Variants in SYTL2 observed in about 807,000 individuals in gnomAD.
The protein encoded by SYTL2 is synaptotagmin like 2, also known as synaptotagmin-like protein 2.
SYTL2 carries 165 observed loss-of-function variants against 198.7 expected under a neutral mutation model. That is an observed-to-expected ratio of 0.83 (90% confidence interval 0.73 to 0.94). The LOEUF is 0.94. SYTL2 is among the 40% of genes least tolerant of loss of function. The pLI is 0.00. For missense variants in SYTL2, 2,835 were observed against 2,582.8 expected, an observed-to-expected ratio of 1.10 and a Z score of -2.12; for synonymous variants, 966 against 917.7, an observed-to-expected ratio of 1.05 and a Z score of -0.95.
At chr11:85,825,614 T>C in the SYTL2 span, among the ~76,000 whole-genome samples, 1 of 152,144 alleles carries the variant, frequency 6.6e-6, no homozygotes, top group African/African-American at 2.4e-5. Flanking sequence ...GGAGCATAGC[T>C]CAGCCTAATC....
chr11:85,712,490 C>A (rs2086476733), intron 12 of SYTL2, among the ~76,000 whole-genome samples: 1 of 152,068 alleles, frequency 6.6e-6, no homozygotes, highest in Non-Finnish European at 1.5e-5. Flanking sequence ...TGAGCAAGGC[C>A]TGATTGCATT....
chr11:85,699,774 G>A (rs2083976396), intron 17 of SYTL2, among the ~76,000 whole-genome samples: 1 of 152,190 alleles, frequency 6.6e-6, no homozygotes. Context: ...GGGAAATGGA[G>A]CAAGGAGCTG....
chr11:85,850,560 A>G, the SYTL2 span, among the ~76,000 whole-genome samples: 3 of 151,228 alleles, frequency 2.0e-5, no homozygotes, highest in South Asian at 4.2e-4. Context: ...AAATAGGAAC[A>G]CTTTTACACT....
intron 1 of SYTL2, among the ~76,000 whole-genome samples, chr11:85,774,551 G>A (rs535076522): frequency 6.6e-6 from 1 of 152,212 alleles, no homozygotes; most frequent in South Asian, 2.1e-4. Flanking sequence ...CCCAAATACC[G>A]AGCTTTGCAA....
chr11:85,806,426 T>C (rs760233578), intron 1 of SYTL2, among the ~76,000 whole-genome samples: 1 of 152,380 alleles, frequency 6.6e-6, no homozygotes, highest in South Asian at 2.1e-4. Flanking sequence ...GTAGTGACTT[T>C]AGAGGCAAAT....
chr11:85,719,610 C>T (rs1032664076), intron 9 of SYTL2, among the ~76,000 whole-genome samples: 1 of 151,940 alleles, frequency 6.6e-6, no homozygotes, highest in South Asian at 2.1e-4. Context: ...TGGAAGCATT[C>T]AGGCGGATAT....
the SYTL2 span, among the ~76,000 whole-genome samples, chr11:85,842,182 T>C: frequency 6.6e-6 from 1 of 152,198 alleles, no homozygotes; most frequent in Non-Finnish European, 1.5e-5. Flanking sequence ...GTCAAGTGCA[T>C]TCTGAAAGCT....
chr11:85,753,525 A>G (rs553166540), intron 2 of SYTL2, among the ~76,000 whole-genome samples: 13 of 152,292 alleles, frequency 8.5e-5, no homozygotes, highest in Admixed American at 6.5e-4. Flanking sequence ...TACCATTAAC[A>G]GACCAAGTGA....
intron 1 of SYTL2, among the ~76,000 whole-genome samples, chr11:85,784,973 C>G (rs17148484): frequency 0.034 from 5,144 of 152,148 alleles, 292 homozygotes; most frequent in African/African-American, 0.12. Flanking sequence ...TCAGCACTTG[C>G]ATGTATTTAA....
intron 1 of SYTL2, among the ~76,000 whole-genome samples, chr11:85,806,007 T>C (rs1214253627): frequency 6.6e-6 from 1 of 152,244 alleles, no homozygotes; most frequent in African/African-American, 2.4e-5. Context: ...GTTTTGTAGG[T>C]TGCAGGTAGT....
chr11:85,699,831 A>T (rs1298574844), intron 17 of SYTL2, among the ~76,000 whole-genome samples: 2 of 152,180 alleles, frequency 1.3e-5, no homozygotes, highest in Non-Finnish European at 2.9e-5. Flanking sequence ...ACTGGGCTGA[A>T]GACCTGACAA....
rs571185840 is a variant in SYTL2 at position 85,715,335 on chromosome 11, A to T, written c.5531-828T>A. Among the ~76,000 whole-genome samples the T allele has an allele frequency of 2.4e-3, 362 of 152,272 alleles. 4 individuals carry two copies. Among genetic ancestry groups the T allele is most frequent in the South Asian group, 0.013 (65 of 4,820 alleles). On this transcript the variant is annotated intron_variant, in intron 11 of 19. Transcript: ENST00000359152. Reference sequence around the variant, plus strand: ...CTTATGGTGAATCACAGCTCTTATAATGAATAAGTTAATATTTTCCAAGGC... The same window carrying T: ...CTTATGGTGAATCACAGCTCTTATATTGAATAAGTTAATATTTTCCAAGGC...
chr11:85,713,546 C>T (rs890758319), intron 12 of SYTL2, among the ~76,000 whole-genome samples: 1 of 152,300 alleles, frequency 6.6e-6, no homozygotes, highest in East Asian at 1.9e-4. Flanking sequence ...AACTACCTGA[C>T]TGCAAGAACA....
chr11:85,721,872 C>A (rs2088362809), intron 8 of SYTL2, among the ~76,000 whole-genome samples: 1 of 151,972 alleles, frequency 6.6e-6, no homozygotes, highest in South Asian at 2.1e-4. Context: ...GCATAATGGC[C>A]CAGCATTTCC....
At chr11:85,845,968 T>C in the SYTL2 span, among the ~76,000 whole-genome samples, 1 of 152,236 alleles carries the variant, frequency 6.6e-6, no homozygotes, top group African/African-American at 2.4e-5. Flanking sequence ...ACCACTTTAT[T>C]ACAGCTCACA....
intron 1 of SYTL2, among the ~76,000 whole-genome samples, chr11:85,797,426 G>A (rs553481062): frequency 4.3e-4 from 66 of 151,962 alleles, no homozygotes; most frequent in African/African-American, 1.5e-3. Flanking sequence ...TCAGGAATTC[G>A]AGACCAGCCT....
At chr11:85,760,365 A>T (rs2092064034) in intron 1 of SYTL2, among the ~76,000 whole-genome samples, 1 of 152,220 alleles carries the variant, frequency 6.6e-6, no homozygotes, top group Non-Finnish European at 1.5e-5. Flanking sequence ...CCAAATACAC[A>T]TCCACTGCTG....
In SYTL2 at chr11:85,736,562, T is replaced by C. The variant is rs761483493; in HGVS notation, c.525A>G (p.Gln175=). Residue 175 remains glutamine (Q), a synonymous_variant, in exon 6 of 20, where the codon CAA becomes CAG. Coordinates refer to ENST00000359152, the MANE Select transcript of SYTL2 (RefSeq NM_206927.4). ...SSKLPEGHSS[Q]QTKNEQSKNG... is the part of the protein sequence containing the mutation. ...TTTTTGACTGTTCATTTTTAGTTTG[T>C]TGTGATGAGTGACCTTCTGGCAACT... 17 of 1,609,162 alleles carry C rather than the reference T, an allele frequency of 1.1e-5. No individual in the cohort carries two copies. The Admixed American group carries it at 2.5e-4, about 24-fold the overall frequency.
At chr11:85,815,203 A>G (rs191356683), upstream of SYTL2, among the ~76,000 whole-genome samples, 1 of 152,350 alleles carries the variant, frequency 6.6e-6, no homozygotes, top group Admixed American at 6.5e-5. Context: ...TGCCACAATG[A>G]AAAAGTAAAA....
Sources: gnomAD v4.1 joint callset for allele counts (sites outside exome capture counted in the v4.1 genomes callset) on GRCh38, gnomAD v4.1.1 for gene constraint, MANE v1.5 for transcripts, NCBI Gene and HGNC (gene_info 2026-07-23, HGNC 2026-07-21) for gene names.